The following SLC39A8 variants were observed in gnomAD, a reference collection of about 807,000 sequenced individuals.
The protein encoded by SLC39A8 is metal cation symporter ZIP8.
Under a neutral mutation model 40.4 loss-of-function variants are expected in SLC39A8, and 15 were observed. That is an observed-to-expected ratio of 0.37 (90% CI 0.25 to 0.57). The LOEUF is 0.57. SLC39A8 is among the 20% of genes least tolerant of loss of function. The pLI, the probability that SLC39A8 is intolerant of heterozygous loss-of-function variation, is 0.75. For missense variants in SLC39A8, 472 were observed against 558.8 expected (o/e 0.84, Z 1.57); for synonymous variants, 223 against 221.6 (o/e 1.01, Z -0.06).
intron 3 of SLC39A8, among the ~76,000 whole-genome samples, chr4:102,309,436 TC>T (rs1734329287): frequency 1.3e-5 from 2 of 151,930 alleles, no homozygotes. Context: ...CCCACTTCAT[TC>T]CCATTTATTA....
At position 102,263,126 on chromosome 4, in the gene SLC39A8, A is replaced by G. The variant is rs1053232054; in HGVS notation, c.1301T>C (p.Met434Thr). ...TGRKTDFTFFMIQNAGMLTGF... is the reference protein window; with the variant it reads ...TGRKTDFTFFTIQNAGMLTGF... Reference sequence around the variant, plus strand: ...AGTTAACATTCCAGCATTCTGAATCATGAAGAAGGTGAAATCGGTTTTTCT... The same window carrying G: ...AGTTAACATTCCAGCATTCTGAATCGTGAAGAAGGTGAAATCGGTTTTTCT... The change falls in exon 9 of 9, where the codon ATG becomes ACG. Residue 434 changes from methionine to threonine, a missense_variant. Met to Thr is a moderately conservative substitution (Grantham distance 81). Transcript: ENST00000356736. The G allele has an allele frequency of 1.5e-5, 25 of 1,613,776 alleles. No individual in the cohort carries two copies. The highest frequency in any genetic ancestry group is 1.9e-5 in the Non-Finnish European group (22 of 1,179,820).
chr4:102,313,623 T>C (rs776401059), intron 3 of SLC39A8, among the ~76,000 whole-genome samples: 3 of 152,114 alleles, frequency 2.0e-5, no homozygotes, highest in Non-Finnish European at 4.4e-5. Flanking sequence ...GAGGTCTCCC[T>C]CTGCCACCCA....
chr4:102,340,903 G>A (rs980933746), intron 2 of SLC39A8, among the ~76,000 whole-genome samples: 1 of 152,168 alleles, frequency 6.6e-6, no homozygotes, highest in Non-Finnish European at 1.5e-5. Context: ...TCAGTCAAAG[G>A]CAGGAAAGGT....
chr4:102,319,670 T>C (rs980061777), intron 2 of SLC39A8, among the ~76,000 whole-genome samples: 3 of 152,078 alleles, frequency 2.0e-5, no homozygotes, highest in Non-Finnish European at 4.4e-5. Flanking sequence ...TCCCTACTTG[T>C]CCATGTTGTA....
intron 6 of SLC39A8, among the ~76,000 whole-genome samples, chr4:102,296,296 T>C (rs1453035409): frequency 6.6e-6 from 1 of 151,366 alleles, no homozygotes; most frequent in African/African-American, 2.4e-5. Flanking sequence ...TACAAATAGA[T>C]TCAAACAGCT....
At chr4:102,280,711 T>A (rs1192944870) in intron 6 of SLC39A8, among the ~76,000 whole-genome samples, 1 of 152,226 alleles carries the variant, frequency 6.6e-6, no homozygotes, top group Non-Finnish European at 1.5e-5. Flanking sequence ...TACCTTCCAG[T>A]CATTCAGTTT....
downstream of SLC39A8, among the ~76,000 whole-genome samples, chr4:102,258,483 A>C (rs895237391): frequency 6.6e-6 from 1 of 152,176 alleles, no homozygotes; most frequent in African/African-American, 2.4e-5. Context: ...ACACAAACAT[A>C]GTCTCAAGTC....
In SLC39A8 at chr4:102,307,586, C is replaced by A; in HGVS notation, c.402G>T (p.Leu134=). 1 of 1,613,130 alleles carries A rather than the reference C, an allele frequency of 6.2e-7. No homozygotes were observed. Among genetic ancestry groups the A allele is most frequent in the Non-Finnish European group, 8.5e-7 (1 of 1,179,464 alleles). ...SHSEVWGYGF[L]SVTIINLASL... ...ATGCCAGATTAATAATCGTCACTGA[C>A]AGGAATCCATATCCCCAAACTGTGG... Residue 134 remains leucine (L), a synonymous_variant, in exon 4 of 9, where the codon CTG becomes CTT. Transcript: ENST00000356736.
chr4:102,261,771 A>T lies in SLC39A8; in HGVS notation c.*1273T>A. ...TATATTAAATATTCACCAAATCTGC[A>T]TTGCTGCTACATGAAAACATTTTTT... On this transcript the variant is annotated 3_prime_UTR_variant, in exon 9 of 9. Transcript: ENST00000356736. 1 of 985,000 alleles carries T rather than the reference A, an allele frequency of 1.0e-6. No homozygotes were observed. 61.0% of individuals were successfully genotyped at this position (985,000 alleles called of 1,614,324 possible). A position where few individuals can be genotyped will look rare whatever the true frequency, so the allele number is the denominator to read the frequency against.
intron 2 of SLC39A8, among the ~76,000 whole-genome samples, chr4:102,323,173 G>A (rs923812535): frequency 1.3e-5 from 2 of 152,190 alleles, no homozygotes; most frequent in African/African-American, 4.8e-5. Flanking sequence ...ATCTTCATCT[G>A]TTCTGCTCTT....
intron 2 of SLC39A8, among the ~76,000 whole-genome samples, chr4:102,319,392 T>G (rs1368848039): frequency 6.6e-6 from 1 of 152,178 alleles, no homozygotes; most frequent in Admixed American, 6.5e-5. Context: ...TTGACTAAAC[T>G]GCAGTCAGGC....
intron 6 of SLC39A8, among the ~76,000 whole-genome samples, chr4:102,300,374 C>A (rs1007229096): frequency 1.3e-5 from 2 of 151,968 alleles, no homozygotes; most frequent in East Asian, 3.9e-4. Context: ...GATAAAACAC[C>A]AGAGACTTCT....
intron 2 of SLC39A8, among the ~76,000 whole-genome samples, chr4:102,340,028 A>C (rs922057557): frequency 1.3e-5 from 2 of 152,200 alleles, no homozygotes; most frequent in African/African-American, 4.8e-5. Flanking sequence ...TTAGTTCCTT[A>C]ATCAGGCATA....
Position 102,304,218 on chromosome 4 carries a change from T to C in SLC39A8, c.840+99A>G, listed in dbSNP as rs74472275. 636 of 846,782 alleles carry C rather than the reference T, an allele frequency of 7.5e-4. 5 individuals carry two copies. In the African/African-American group the frequency reaches 0.01, roughly 14 times the overall value. 52.5% of individuals were successfully genotyped at this position (846,782 alleles called of 1,614,324 possible). A position where few individuals can be genotyped will look rare whatever the true frequency, so the allele number is the denominator to read the frequency against. On this transcript the variant is annotated intron_variant, in intron 6 of 8. Coordinates refer to ENST00000356736, the MANE Select transcript of SLC39A8 (RefSeq NM_001135146.2). ...CACATATATAGGAATAAGTCTGACA[T>C]ACATAAATGTACAAAAACTGACTTA...
At chr4:102,319,552 T>C (rs1250543029) in intron 2 of SLC39A8, among the ~76,000 whole-genome samples, 1 of 152,134 alleles carries the variant, frequency 6.6e-6, no homozygotes, top group Admixed American at 6.6e-5. Flanking sequence ...AAGAATCCTG[T>C]TAGGTCTGTT....
intron 2 of SLC39A8, among the ~76,000 whole-genome samples, chr4:102,328,543 TA>T (rs991628175): frequency 1.3e-5 from 2 of 152,340 alleles, no homozygotes; most frequent in South Asian, 2.1e-4. Flanking sequence ...ATTAATCATT[TA>T]AAAATTTATC....
chr4:102,262,854 A>T lies in SLC39A8; in HGVS notation c.*190T>A. On this transcript the variant is annotated 3_prime_UTR_variant, in exon 9 of 9. Coordinates refer to ENST00000356736, the MANE Select transcript of SLC39A8 (RefSeq NM_001135146.2). ...CCAGGCATCTCAGACTGACACTGAAAACCTTTTGAAGCATTTTTAACAACA... is the reference window on the plus strand; with the variant it reads ...CCAGGCATCTCAGACTGACACTGAATACCTTTTGAAGCATTTTTAACAACA... 1.5e-6 allele frequency: 2 copies of T among 1,360,868 alleles called. No homozygotes were observed. The highest frequency in any genetic ancestry group is 1.9e-6 in the Non-Finnish European group (2 of 1,059,600). The allele number at this position is 1,360,868 out of a possible 1,614,324, so 84.3% of individuals were successfully genotyped here.
chr4:102,274,420 C>A (rs1036885287), intron 6 of SLC39A8, among the ~76,000 whole-genome samples: 7 of 152,042 alleles, frequency 4.6e-5, no homozygotes, highest in African/African-American at 1.7e-4. Flanking sequence ...TGAAGAGGAA[C>A]AAGCAAAGAA....
chr4:102,294,061 C>T (rs1733580415), intron 6 of SLC39A8, among the ~76,000 whole-genome samples: 1 of 151,570 alleles, frequency 6.6e-6, no homozygotes, highest in Admixed American at 6.6e-5. Flanking sequence ...AAAACTGGAT[C>T]CTCATATACA....
Sources: gnomAD v4.1 joint callset for allele counts (sites outside exome capture counted in the v4.1 genomes callset) on GRCh38, gnomAD v4.1.1 for gene constraint, MANE v1.5 for transcripts, NCBI Gene and HGNC (gene_info 2026-07-23, HGNC 2026-07-21) for gene names.